The following ENKUR variants were observed in gnomAD, a reference collection of about 807,000 sequenced individuals.
ENKUR encodes enkurin.
Under a neutral mutation model 27.6 loss-of-function variants are expected in ENKUR, and 19 were observed. That is an observed-to-expected ratio of 0.69 (90% confidence interval 0.48 to 1.01). The LOEUF is 1.01. Ranked by LOEUF, ENKUR falls within the 50% of genes least tolerant of loss-of-function variation. The probability of loss-of-function intolerance (pLI) is 0.00; values close to 1 mark genes in which losing one functional copy is unlikely to be tolerated. For missense variants in ENKUR, 312 were observed against 310.5 expected, an observed-to-expected ratio of 1.00 and a Z score of -0.04; for synonymous variants, 117 against 96.9, an observed-to-expected ratio of 1.21 and a Z score of -1.22.
At chr10:25,058,994 A>G (rs1480529604) in intron 2 of ENKUR, among the ~76,000 whole-genome samples, 3 of 150,670 alleles carry the variant, frequency 2.0e-5, no homozygotes, top group Non-Finnish European at 4.4e-5. Flanking sequence ...ATACAAACCC[A>G]TTCCTCCAAG....
chr10:24,998,258 GA>G (rs1301679986), intron 2 of ENKUR, among the ~76,000 whole-genome samples: 11 of 151,938 alleles, frequency 7.2e-5, no homozygotes, highest in Non-Finnish European at 1.5e-4. Context: ...ATTTTGAAGA[GA>G]CAGACTCGTT....
At chr10:25,047,307 T>G (rs138969907) in intron 2 of ENKUR, among the ~76,000 whole-genome samples, 1 of 152,310 alleles carries the variant, frequency 6.6e-6, no homozygotes, top group Admixed American at 6.5e-5. Flanking sequence ...TCTTTCTTTC[T>G]AGGTCACTCA....
chr10:25,028,346 A>G (rs987606347), intron 2 of ENKUR, among the ~76,000 whole-genome samples: 2 of 152,170 alleles, frequency 1.3e-5, no homozygotes, highest in East Asian at 1.9e-4. Flanking sequence ...TCCCATCATC[A>G]AGTGTATATG....
chr10:25,033,759 T>C (rs1421656082), intron 2 of ENKUR, among the ~76,000 whole-genome samples: 4 of 152,124 alleles, frequency 2.6e-5, no homozygotes, highest in Non-Finnish European at 1.5e-5. Flanking sequence ...GATGCAGCCA[T>C]AGTGGAATTT....
chr10:25,060,936 A>C (rs1483550842), intron 2 of ENKUR, among the ~76,000 whole-genome samples: 1 of 151,942 alleles, frequency 6.6e-6, no homozygotes, highest in South Asian at 2.1e-4. Context: ...CTGGTCTTGA[A>C]CTTCTGATCT....
rs1177881496 is a variant in ENKUR, at chr10:24,982,643, A to T, written c.*1727T>A. 2 of 152,166 alleles carry T rather than the reference A, an allele frequency of 1.3e-5. No individual in the cohort carries two copies. Among genetic ancestry groups the T allele is most frequent in the Non-Finnish European group, 2.9e-5 (2 of 68,066 alleles). 9.4% of individuals were successfully genotyped at this position (152,166 alleles called of 1,614,324 possible). A position where few individuals can be genotyped will look rare whatever the true frequency, so the allele number is the denominator to read the frequency against. On this transcript the variant is annotated 3_prime_UTR_variant, in exon 6 of 6. Coordinates refer to ENST00000331161, the MANE Select transcript of ENKUR (RefSeq NM_145010.4). ...CAGATGTTTGTCCCTCTTTTGGGTG[A>T]TAGGATGACCTAGGTATGTATGTGT...
At chr10:25,046,146 A>G (rs1851119474) in intron 2 of ENKUR, among the ~76,000 whole-genome samples, 1 of 152,234 alleles carries the variant, frequency 6.6e-6, no homozygotes, top group African/African-American at 2.4e-5. Context: ...TGAGAGGTTT[A>G]TTAATTATTA....
At chr10:25,024,996 T>G (rs750256334) in intron 2 of ENKUR, 1 of 1,614,232 alleles carries the variant, frequency 6.2e-7, no homozygotes, top group Admixed American at 1.7e-5. Context: ...CAGAATTATT[T>G]AATCGATTAG....
intron 2 of ENKUR, among the ~76,000 whole-genome samples, chr10:25,027,357 C>CAAAAAAAAAAAAAAAA (rs71399946): frequency 2.1e-5 from 1 of 48,492 alleles, no homozygotes; most frequent in African/African-American, 1.1e-4. Context: ...ACTCCCGTCT[C>CAAAAAAAAAAAAAAAA]AAAAAAAAAA....
intron 4 of ENKUR, among the ~76,000 whole-genome samples, chr10:24,986,455 C>T (rs1473356820): frequency 6.6e-6 from 1 of 152,144 alleles, no homozygotes; most frequent in Non-Finnish European, 1.5e-5. Flanking sequence ...ACAGTGTATG[C>T]GATGTATTCC....
intron 3 of ENKUR, among the ~76,000 whole-genome samples, chr10:24,994,336 CT>C (rs199991900): frequency 0.016 from 2,186 of 137,576 alleles, 11 homozygotes; most frequent in African/African-American, 0.023. Flanking sequence ...ATTCTGCACT[CT>C]TTTTTTTTTT....
chr10:25,018,669 T>TG, upstream of ENKUR, among the ~76,000 whole-genome samples: 2 of 150,592 alleles, frequency 1.3e-5, no homozygotes, highest in African/African-American at 4.9e-5. Context: ...GTTTTTTTTT[T>TG]TTTTTTTTTT....
At chr10:25,011,296 G>A (rs542247091) in intron 1 of ENKUR, among the ~76,000 whole-genome samples, 314 of 152,042 alleles carry the variant, frequency 2.1e-3, no homozygotes, top group Non-Finnish European at 3.6e-3. Context: ...GGGGTTGTTT[G>A]TTTTTTTCTT....
chr10:24,999,834 G>A (rs187131287), intron 1 of ENKUR, among the ~76,000 whole-genome samples: 4 of 152,218 alleles, frequency 2.6e-5, no homozygotes, highest in Admixed American at 2.6e-4. Context: ...CATTCTTGAT[G>A]TTAGTAATTT....
chr10:25,059,408 A>C (rs1212912652), intron 2 of ENKUR, among the ~76,000 whole-genome samples: 1 of 152,144 alleles, frequency 6.6e-6, no homozygotes, highest in Non-Finnish European at 1.5e-5. Context: ...CTGGGATTAC[A>C]GGCGTGAGCC....
chr10:25,056,369 C>A (rs1413592951), intron 2 of ENKUR, among the ~76,000 whole-genome samples: 1 of 152,142 alleles, frequency 6.6e-6, no homozygotes, highest in African/African-American at 2.4e-5. Flanking sequence ...GCAGGTCAGT[C>A]ATGCAAATTT....
chr10:25,016,652 G>A (rs1850585721), upstream of ENKUR: 1 of 152,528 alleles, frequency 6.6e-6, no homozygotes, highest in Non-Finnish European at 1.5e-5. Flanking sequence ...CACAGGCGCA[G>A]AGTCCACTGC....
At chr10:24,996,381 C>A (rs1850055672) in intron 2 of ENKUR, among the ~76,000 whole-genome samples, 1 of 151,900 alleles carries the variant, frequency 6.6e-6, no homozygotes, top group Non-Finnish European at 1.5e-5. Context: ...GAGATCATGC[C>A]ATTGTACTCC....
chr10:25,005,800 T>C (rs1354145486), intron 1 of ENKUR, among the ~76,000 whole-genome samples: 1 of 152,214 alleles, frequency 6.6e-6, no homozygotes, highest in Non-Finnish European at 1.5e-5. Flanking sequence ...CACAGGCATA[T>C]GTCATTGAGT....
Sources: gnomAD v4.1 joint callset for allele counts (sites outside exome capture counted in the v4.1 genomes callset) on GRCh38, gnomAD v4.1.1 for gene constraint, MANE v1.5 for transcripts, NCBI Gene and HGNC (gene_info 2026-07-23, HGNC 2026-07-21) for gene names.